The following SLC41A2 variants were observed in gnomAD, a reference collection of about 807,000 sequenced individuals.
The protein encoded by SLC41A2 is solute carrier family 41 member 2.
In SLC41A2, 32 loss-of-function variants were observed where a neutral mutation model predicts 58.3. The observed-to-expected ratio is 0.55, with a 90% CI of 0.41 to 0.74. SLC41A2 has a LOEUF of 0.74. Ranked by LOEUF, SLC41A2 falls within the 30% of genes least tolerant of loss-of-function variation. The pLI is 0.00. For synonymous variants in SLC41A2, 190 were observed against 235.0 expected, an observed-to-expected ratio of 0.81 and a Z score of 1.75; for missense variants, 514 against 680.6, an observed-to-expected ratio of 0.76 and a Z score of 2.72.
intron 3 of SLC41A2, among the ~76,000 whole-genome samples, chr12:104,908,572 A>G (rs1247062459): frequency 1.3e-5 from 2 of 152,242 alleles, no homozygotes; most frequent in Non-Finnish European, 2.9e-5. Flanking sequence ...TCAGTTAGTA[A>G]TATCATCTGG....
chr12:104,888,969 A>G lies in SLC41A2; in HGVS notation c.880+64T>C, dbSNP rs973084959. 4 of 1,411,610 alleles carry G rather than the reference A, an allele frequency of 2.8e-6. No individual in the cohort carries two copies. The African/African-American group carries it at 6.0e-5, about 21-fold the overall frequency. 87.4% of individuals were successfully genotyped at this position (1,411,610 alleles called of 1,614,324 possible). The stretch of plus-strand genomic sequence containing the variant: ...AGGTATCATTTAAATAAAAATAGTC[A>G]TCTTAAGAAATAAACCATTTAAATG... On this transcript the variant is annotated intron_variant, in intron 5 of 10. Transcript: ENST00000258538.
intron 1 of SLC41A2, among the ~76,000 whole-genome samples, 186 bp from the exon 2 acceptor site, chr12:104,928,880 A>T (rs1425453121): frequency 6.6e-6 from 1 of 152,202 alleles, no homozygotes; most frequent in Non-Finnish European, 1.5e-5. Flanking sequence ...TGTGTACAGA[A>T]ATATAATACA....
intron 6 of SLC41A2, among the ~76,000 whole-genome samples, chr12:104,870,746 T>C (rs1278885004): frequency 6.6e-6 from 1 of 152,244 alleles, no homozygotes; most frequent in Non-Finnish European, 1.5e-5. Flanking sequence ...TCATTAATAG[T>C]GTTCATCATT....
intron 8 of SLC41A2, among the ~76,000 whole-genome samples, chr12:104,860,758 T>G (rs939496317): frequency 2.0e-5 from 3 of 152,010 alleles, no homozygotes; most frequent in African/African-American, 7.2e-5. Context: ...TTGAATTTTT[T>G]ATAGAGATGG....
rs545237445 is a variant in SLC41A2 at position 104,909,718 on chromosome 12, G to A, written c.600C>T (p.Val200=). 4.2e-5 allele frequency: 68 copies of A among 1,610,740 alleles called. No individual in the cohort carries two copies. The highest frequency in any genetic ancestry group is 3.5e-4 in the South Asian group (32 of 90,248). The change falls in exon 3 of 11, where the codon GTC becomes GTT. Residue 200 remains valine, a synonymous_variant. Transcript: ENST00000258538. ...FRKVTEVFIL[V]PALLGLKGNL... ...TCCCTTTGAGACCAAGAAGTGCAGG[G>A]ACTAAAATGAAAACTTCTGTAACTT...
Position 104,889,028 on chromosome 12 carries a change from C to T in SLC41A2, c.880+5G>A. On this transcript the variant is annotated splice_donor_5th_base_variant and intron_variant, in intron 5 of 10. Transcript: ENST00000258538. ...TATAGAGTAGACATTTATAAATTCA[C>T]TTACCCTGCAGAAGAGATGCAATGA... 6.4e-7 allele frequency: 1 copy of T among 1,566,516 alleles called. No homozygotes were observed. The highest frequency in any genetic ancestry group is 8.6e-7 in the Non-Finnish European group (1 of 1,166,818).
chr12:104,895,235 T>C, intron 4 of SLC41A2, 39 bp downstream of exon 4: 1 of 1,478,370 alleles, frequency 6.8e-7, no homozygotes, highest in East Asian at 2.3e-5. Flanking sequence ...TCAAAATTTG[T>C]ACACCCAAGA....
chr12:104,904,289 G>C (rs1467365794), intron 3 of SLC41A2, among the ~76,000 whole-genome samples: 1 of 152,180 alleles, frequency 6.6e-6, no homozygotes, highest in East Asian at 1.9e-4. Flanking sequence ...TCAGAGCAAA[G>C]TTCAATTTCC....
chr12:104,814,472 G>A (rs1344026603), intron 10 of SLC41A2, among the ~76,000 whole-genome samples: 1 of 152,066 alleles, frequency 6.6e-6, no homozygotes, highest in Non-Finnish European at 1.5e-5. Context: ...GTCAATCCCC[G>A]AAAGAAGAAA....
At chr12:104,954,485 A>T (rs1480228910) in intron 1 of SLC41A2, among the ~76,000 whole-genome samples, 1 of 152,174 alleles carries the variant, frequency 6.6e-6, no homozygotes, top group Non-Finnish European at 1.5e-5. Flanking sequence ...AGTCCTTCCC[A>T]ATAAGCGCCA....
intron 1 of SLC41A2, among the ~76,000 whole-genome samples, chr12:104,932,124 C>A (rs7973570): frequency 0.097 from 14,766 of 152,086 alleles, 1,142 homozygotes; most frequent in East Asian, 0.26. Flanking sequence ...TTAATGAATA[C>A]TTATCAGTTA....
In SLC41A2 at chr12:104,861,268, G is replaced by A. The variant is rs749197572; in HGVS notation, c.1255+23C>T. Reference sequence around the variant, plus strand: ...GGATACGAAGATTTGATATTATCATGAAACAGTATATCTAATTCTTACCAT... The same window carrying A: ...GGATACGAAGATTTGATATTATCATAAAACAGTATATCTAATTCTTACCAT... On this transcript the variant is annotated intron_variant, in intron 8 of 10. Coordinates refer to ENST00000258538, the MANE Select transcript of SLC41A2 (RefSeq NM_001352171.3). 21 of 1,532,886 alleles carry A rather than the reference G, an allele frequency of 1.4e-5. No homozygotes were observed. The African/African-American group carries it at 2.9e-4, about 21-fold the overall frequency. 95.0% of individuals were successfully genotyped at this position (1,532,886 alleles called of 1,614,324 possible).
chr12:104,823,731 G>A (rs2041731469), intron 10 of SLC41A2, among the ~76,000 whole-genome samples: 1 of 152,036 alleles, frequency 6.6e-6, no homozygotes, highest in Non-Finnish European at 1.5e-5. Context: ...GATATGAAAA[G>A]CACTAATCAT....
intron 8 of SLC41A2, among the ~76,000 whole-genome samples, chr12:104,858,686 A>T (rs887162821): frequency 6.6e-5 from 10 of 152,172 alleles, no homozygotes; most frequent in African/African-American, 2.4e-4. Context: ...TAATTTTTAT[A>T]ATTTTTGTGC....
At chr12:104,958,449 G>A (rs1220278553), upstream of SLC41A2, 1 of 151,766 alleles carries the variant, frequency 6.6e-6, no homozygotes, top group Admixed American at 6.6e-5. Context: ...GCCCCGCCCG[G>A]ACCCCGGCCG....
At chr12:104,906,091 A>T (rs1167353276) in intron 3 of SLC41A2, among the ~76,000 whole-genome samples, 1 of 151,976 alleles carries the variant, frequency 6.6e-6, no homozygotes, top group Non-Finnish European at 1.5e-5. Context: ...ACTACATAAA[A>T]GTTTTTTTGT....
intron 6 of SLC41A2, among the ~76,000 whole-genome samples, chr12:104,874,073 G>GT (rs529722018): frequency 0.043 from 5,048 of 117,624 alleles, 264 homozygotes; most frequent in African/African-American, 0.11. Flanking sequence ...GCCTGAGTTT[G>GT]TTTTTTTTTT....
intron 3 of SLC41A2, among the ~76,000 whole-genome samples, chr12:104,900,471 A>G (rs948591131): frequency 6.6e-6 from 1 of 152,194 alleles, no homozygotes; most frequent in Non-Finnish European, 1.5e-5. Context: ...GGTATATATT[A>G]TATATCTAAA....
In SLC41A2 at chr12:104,905,027, T is replaced by A. The variant is rs531475710; in HGVS notation, c.663+4628A>T. On this transcript the variant is annotated intron_variant, in intron 3 of 10. Transcript: ENST00000258538. Reference sequence around the variant, plus strand: ...TGATTGGTAGAGCCGAGTGGCCTGTTTTGTCAGGGCACTGATTGGTGCGTT... The same window carrying A: ...TGATTGGTAGAGCCGAGTGGCCTGTATTGTCAGGGCACTGATTGGTGCGTT... Among the ~76,000 whole-genome samples the A allele has an allele frequency of 3.1e-3, 468 of 152,068 alleles. 6 individuals carry two copies. The highest frequency in any genetic ancestry group is 0.011 in the African/African-American group (454 of 41,458).
Sources: allele counts gnomAD v4.1 joint callset (sites outside exome capture counted in the v4.1 genomes callset), GRCh38; gene constraint gnomAD v4.1.1; transcripts MANE v1.5; gene names NCBI Gene and HGNC (gene_info 2026-07-23, HGNC 2026-07-21).